Variants in BUB3 observed in about 807,000 individuals in gnomAD.
The protein encoded by BUB3 is BUB3 mitotic checkpoint protein.
Under a neutral mutation model 39.9 loss-of-function variants are expected in BUB3, and 22 were observed. That is an observed-to-expected ratio of 0.55 (90% CI 0.39 to 0.79). The LOEUF (loss-of-function observed/expected upper bound fraction) is 0.79. Among genes scored for constraint, BUB3 ranks in the 30% least tolerant of loss-of-function variants. The pLI is 0.00. For synonymous variants in BUB3, 168 were observed against 155.1 expected, an observed-to-expected ratio of 1.08 and a Z score of -0.62; for missense variants, 303 against 415.4, an observed-to-expected ratio of 0.73 and a Z score of 2.35.
rs1392351769 is a variant in BUB3 at position 123,169,704 on chromosome 10, T to G, written c.*5869T>G. On this transcript the variant is annotated 3_prime_UTR_variant, in exon 8 of 8. Coordinates refer to ENST00000368865, the MANE Select transcript of BUB3 (RefSeq NM_004725.4). ...TTGTCAAATCTTTGAGCCCACTCAC[T>G]CAGAGGGCCTGTCACTCATCCAGAA... is the stretch of plus-strand genomic sequence containing the variant. 1 of 152,190 alleles carries G rather than the reference T, an allele frequency of 6.6e-6. No homozygotes were observed. Among genetic ancestry groups the G allele is most frequent in the Non-Finnish European group, 1.5e-5 (1 of 68,020 alleles). The allele number at this position is 152,190 out of a possible 1,614,324, so 9.4% of individuals were successfully genotyped here.
Position 123,162,783 on chromosome 10 carries a change from A to G in BUB3, c.926A>G (p.Asp309Gly). Residue 309 changes from aspartate (D) to glycine (G), a missense_variant, in exon 7 of 8, where the codon GAT becomes GGT. Coordinates refer to ENST00000368865, the MANE Select transcript of BUB3 (RefSeq NM_004725.4). ...ATGGATGACACAGAACATCCTGAAG[A>G]TGGTATCTTCATTCGCCAAGTGACA... ...YEMDDTEHPE[D>G]GIFIRQVTDA... 6.2e-7 allele frequency: 1 copy of G among 1,614,000 alleles called. No individual in the cohort carries two copies. Among genetic ancestry groups the G allele is most frequent in the Admixed American group, 1.7e-5 (1 of 59,962 alleles).
chr10:123,161,052 CAACTG>C (rs1470369919), intron 5 of BUB3, among the ~76,000 whole-genome samples: 1 of 151,016 alleles, frequency 6.6e-6, no homozygotes, highest in East Asian at 1.9e-4. Context: ...TTCTTAAACT[CAACTG>C]AGATTAGAGA....
intron 5 of BUB3, 146 bp downstream of exon 5, chr10:123,160,711 A>G: frequency 3.9e-6 from 3 of 772,040 alleles, no homozygotes; most frequent in South Asian, 3.2e-5. Context: ...CTTCCTTGAT[A>G]TTTTTGACAG....
At chr10:123,155,780 A>G (rs1206965615) in intron 3 of BUB3, 53 bp downstream of exon 3, 12 of 1,536,162 alleles carry the variant, frequency 7.8e-6, no homozygotes, top group Non-Finnish European at 1.1e-5. Context: ...GTTCTTAAGT[A>G]TAAATGTTTA....
chr10:123,159,209 A>T (rs1844387879), intron 4 of BUB3, among the ~76,000 whole-genome samples: 1 of 152,052 alleles, frequency 6.6e-6, no homozygotes, highest in Non-Finnish European at 1.5e-5. Context: ...TGGTCACATT[A>T]ATTGTTGAAT....
intron 2 of BUB3, among the ~76,000 whole-genome samples, chr10:123,155,442 A>G (rs913639973): frequency 9.9e-5 from 15 of 152,212 alleles, no homozygotes; most frequent in African/African-American, 3.6e-4. Flanking sequence ...ACCCTCAGCT[A>G]GCGTGTTGGC....
Position 123,162,322 on chromosome 10 carries a change from C to T in BUB3, c.663C>T (p.Phe221=). ...SPEVQKKKYA[F]KCHRLKENNI... is the part of the protein sequence containing the mutation. Reference sequence around the variant, plus strand: ...AGGTACAGAAGAAGAAGTATGCCTTCAAATGTCACAGACTAAAAGAAAATA... The same window carrying T: ...AGGTACAGAAGAAGAAGTATGCCTTTAAATGTCACAGACTAAAAGAAAATA... Residue 221 remains phenylalanine, a synonymous_variant, in exon 6 of 8, where the codon TTC becomes TTT. Coordinates refer to ENST00000368865, the MANE Select transcript of BUB3 (RefSeq NM_004725.4). 6.2e-7 allele frequency: 1 copy of T among 1,614,084 alleles called. No individual in the cohort carries two copies. Among genetic ancestry groups the T allele is most frequent in the Non-Finnish European group, 8.5e-7 (1 of 1,179,982 alleles).
chr10:123,155,610 A>G, intron 2 of BUB3, 48 bp from the exon 3 acceptor site: 1 of 1,531,288 alleles, frequency 6.5e-7, no homozygotes, highest in Non-Finnish European at 9.0e-7. Context: ...GAATGTTGAA[A>G]CCCTTTCAAA....
intron 3 of BUB3, among the ~76,000 whole-genome samples, chr10:123,156,753 G>GTTTTTTGTTTTTTGTTTTTTTTTTTTTTT (rs1844352719): frequency 3.0e-5 from 4 of 135,118 alleles, no homozygotes; most frequent in African/African-American, 1.1e-4. Context: ...TTTCTTTCTT[G>GTTTTTTGTTTTTTGTTTTTTTTTTTTTTT]TTTTTTTTTT....
chr10:123,158,785 A>G (rs953389747), intron 4 of BUB3, among the ~76,000 whole-genome samples: 2 of 152,246 alleles, frequency 1.3e-5, no homozygotes, highest in African/African-American at 4.8e-5. Context: ...CTGACAGAAT[A>G]TCATATAATG....
At chr10:123,163,740 T>C (rs1275199025) in intron 7 of BUB3, 80 bp from the exon 8 acceptor site, 1 of 1,329,112 alleles carries the variant, frequency 7.5e-7, no homozygotes, top group Non-Finnish European at 1.1e-6. Context: ...GTGTTTGCAT[T>C]TAATCTGTCA....
intron 5 of BUB3, 144 bp from the exon 6 acceptor site, chr10:123,162,092 T>C: frequency 1.4e-6 from 1 of 721,174 alleles, no homozygotes; most frequent in South Asian, 2.0e-5. Context: ...ACCATGTTAG[T>C]ACAGCCTAAA....
chr10:123,155,235 A>G, intron 2 of BUB3, 123 bp downstream of exon 2: 1 of 1,136,574 alleles, frequency 8.8e-7, no homozygotes, highest in Non-Finnish European at 1.2e-6. Context: ...ACAGTTCTTT[A>G]GCTTTTCAGG....
In BUB3 at chr10:123,167,693, T is replaced by C. The variant is rs1445885349; in HGVS notation, c.*3858T>C. On this transcript the variant is annotated 3_prime_UTR_variant, in exon 8 of 8. Transcript: ENST00000368865. ...CATTTAGTGTCTTAGAAGTGATATGTTTACTGCAGAAAAATTTGGATAGCA... is the reference window on the plus strand; with the variant it reads ...CATTTAGTGTCTTAGAAGTGATATGCTTACTGCAGAAAAATTTGGATAGCA... The C allele has an allele frequency of 6.6e-6, 1 of 152,206 alleles. No individual in the cohort carries two copies. The highest frequency in any genetic ancestry group is 2.4e-5 in the African/African-American group (1 of 41,458). The allele number at this position is 152,206 out of a possible 1,614,324, so 9.4% of individuals were successfully genotyped here. A position where few individuals can be genotyped will look rare whatever the true frequency, so the allele number is the denominator to read the frequency against.
At position 123,166,200 on chromosome 10, in the gene BUB3, T is replaced by G. The variant is rs1031984793; in HGVS notation, c.*2365T>G. 2 of 152,202 alleles carry G rather than the reference T, an allele frequency of 1.3e-5. No homozygotes were observed. Among genetic ancestry groups the G allele is most frequent in the African/African-American group, 4.8e-5 (2 of 41,444 alleles). The allele number at this position is 152,202 out of a possible 1,614,324, so 9.4% of individuals were successfully genotyped here. A position where few individuals can be genotyped will look rare whatever the true frequency, so the allele number is the denominator to read the frequency against. On this transcript the variant is annotated 3_prime_UTR_variant, in exon 8 of 8. Coordinates refer to ENST00000368865, the MANE Select transcript of BUB3 (RefSeq NM_004725.4). ...CATTGGTTTCCCTCACCCACATTCTTTAAGTGTCTCTTCTGTTTATCTTTT... is the reference window on the plus strand; with the variant it reads ...CATTGGTTTCCCTCACCCACATTCTGTAAGTGTCTCTTCTGTTTATCTTTT...
intron 4 of BUB3, 52 bp downstream of exon 4, chr10:123,157,932 T>C: frequency 1.3e-6 from 2 of 1,539,182 alleles, no homozygotes; most frequent in South Asian, 1.2e-5. Flanking sequence ...GTGATTTTTG[T>C]CTTGGTGCAT....
Position 123,164,536 on chromosome 10 carries a change from A to C in BUB3, c.*701A>C. On this transcript the variant is annotated 3_prime_UTR_variant, in exon 8 of 8. Transcript: ENST00000368865. ...GGGCAAATTGTTTGAGTCAGTAATG[A>C]GCTGAGAAAAGACAGAGCATATCTG... 1 of 986,168 alleles carries C rather than the reference A, an allele frequency of 1.0e-6. No homozygotes were observed. Among genetic ancestry groups the C allele is most frequent in the African/African-American group, 1.7e-5 (1 of 57,392 alleles). The allele number at this position is 986,168 out of a possible 1,614,324, so 61.1% of individuals were successfully genotyped here.
chr10:123,162,993 G>A, intron 7 of BUB3, 165 bp downstream of exon 7: 3 of 673,544 alleles, frequency 4.5e-6, no homozygotes, highest in Non-Finnish European at 7.4e-6. Flanking sequence ...AATATCCGTA[G>A]GTTGATAGAC....
chr10:123,155,656 A>G lies in BUB3; in HGVS notation c.196-2A>G. The G allele has an allele frequency of 6.2e-7, 1 of 1,613,660 alleles. No homozygotes were observed. On this transcript the variant is annotated splice_acceptor_variant, in intron 2 of 7. Transcript: ENST00000368865. LOFTEE classifies it high-confidence loss of function. ...TTTAAACGGTTCAAAACTATTTTAT[A>G]GGATCCAACGCATGCCTGGAGTGGA...
Sources: gnomAD v4.1 joint callset for allele counts (sites outside exome capture counted in the v4.1 genomes callset) on GRCh38, gnomAD v4.1.1 for gene constraint, MANE v1.5 for transcripts, NCBI Gene and HGNC (gene_info 2026-07-23, HGNC 2026-07-21) for gene names.